Variants in ACTR3B observed in about 807,000 individuals in gnomAD.
ACTR3B encodes the protein actin-related protein 3B.
A neutral mutation model predicts 59.0 loss-of-function variants in ACTR3B; 8 were observed. The ratio of observed to expected loss-of-function variants is 0.14; its 90% CI spans 0.08 to 0.24. The LOEUF is 0.24. Ranked by LOEUF, ACTR3B falls within the 10% of genes least tolerant of loss-of-function variation. ACTR3B has a pLI of 1.00. For missense variants in ACTR3B, 245 were observed against 552.3 expected, an observed-to-expected ratio of 0.44 and a Z score of 5.58; for synonymous variants, 148 against 197.9, an observed-to-expected ratio of 0.75 and a Z score of 2.12.
chr7:152,770,785 AC>A (rs200711510), intron 1 of ACTR3B, among the ~76,000 whole-genome samples: 1 of 134,132 alleles, frequency 7.5e-6, no homozygotes, highest in Non-Finnish European at 1.6e-5. Context: ...AAGCATGGCA[AC>A]GAGTTGTTGT....
At chr7:152,835,556 G>A (rs552698150) in intron 9 of ACTR3B, among the ~76,000 whole-genome samples, 61 of 152,310 alleles carry the variant, frequency 4.0e-4, no homozygotes, top group Middle Eastern at 6.8e-3. Flanking sequence ...CTGATACAGA[G>A]ACACGAAGTG....
intron 4 of ACTR3B, 64 bp from the exon 5 acceptor site, chr7:152,814,486 A>G (rs1795523879): frequency 1.7e-6 from 2 of 1,183,128 alleles, no homozygotes; most frequent in Non-Finnish European, 2.5e-6. Flanking sequence ...TAACCTGTTT[A>G]TGGTTCTGAT....
rs557713925 is a variant in ACTR3B, at chr7:152,828,483, T to G, written c.951+3361T>G. ...CTGCTACGCTCCCTTCTGTAACTCC[T>G]GCTCCTTAGTGCGGTGGAGAGCATG... On this transcript the variant is annotated intron_variant, in intron 9 of 11. Transcript: ENST00000256001. Among the ~76,000 whole-genome samples the G allele has an allele frequency of 5.5e-3, 844 of 152,280 alleles. 23 individuals are homozygous for G. Among genetic ancestry groups the G allele is most frequent in the Non-Finnish European group, 2.3e-3 (158 of 68,008 alleles).
chr7:152,760,189 C>T (rs2098084905), intron 1 of ACTR3B, among the ~76,000 whole-genome samples: 1 of 152,098 alleles, frequency 6.6e-6, no homozygotes, highest in Non-Finnish European at 1.5e-5. Flanking sequence ...GCCCGGCGCT[C>T]CTCGCCTCCC....
At chr7:152,760,053 G>T in intron 1 of ACTR3B, 127 bp downstream of exon 1, 3 of 839,780 alleles carry the variant, frequency 3.6e-6, no homozygotes, top group Non-Finnish European at 3.2e-6. Flanking sequence ...ACCTGGGCAG[G>T]TGGGGCGCCG....
At chr7:152,821,408 C>T (rs1796140754) in intron 7 of ACTR3B, among the ~76,000 whole-genome samples, 1 of 151,756 alleles carries the variant, frequency 6.6e-6, no homozygotes, top group African/African-American at 2.4e-5. Context: ...TGGAGCATTG[C>T]TTGAGGCCAG....
intron 2 of ACTR3B, among the ~76,000 whole-genome samples, chr7:152,794,178 GT>G (rs2098207306): frequency 6.6e-6 from 1 of 152,244 alleles, no homozygotes; most frequent in South Asian, 2.1e-4. Flanking sequence ...TACTTTGTGT[GT>G]GTGTATATGT....
chr7:152,801,840 G>A (rs1166031939), intron 4 of ACTR3B, 109 bp downstream of exon 4: 3 of 555,504 alleles, frequency 5.4e-6, no homozygotes, highest in African/African-American at 3.8e-5. Flanking sequence ...CTAAAGATAT[G>A]TGCATGAATC....
intron 10 of ACTR3B, among the ~76,000 whole-genome samples, chr7:152,852,854 A>T (rs917502171): frequency 6.8e-6 from 1 of 146,818 alleles, no homozygotes; most frequent in South Asian, 2.2e-4. Flanking sequence ...TGCAGTGGTG[A>T]GATCTCGGCT....
intron 9 of ACTR3B, among the ~76,000 whole-genome samples, chr7:152,837,977 G>A (rs2116942272): frequency 6.6e-6 from 1 of 152,260 alleles, no homozygotes. Flanking sequence ...TTTCATCTGG[G>A]CGAGGGGGGA....
At chr7:152,795,491 G>A (rs1431080131) in intron 2 of ACTR3B, among the ~76,000 whole-genome samples, 1 of 152,138 alleles carries the variant, frequency 6.6e-6, no homozygotes, top group Non-Finnish European at 1.5e-5. Context: ...TAGCTTAATA[G>A]CTCTCTGTTT....
chr7:152,851,991 T>G, intron 9 of ACTR3B, 135 bp from the exon 10 acceptor site: 1 of 1,229,848 alleles, frequency 8.1e-7, no homozygotes. Context: ...TAAGTTTGCT[T>G]TTGTTCGCAT....
intron 6 of ACTR3B, among the ~76,000 whole-genome samples, chr7:152,817,356 G>A (rs1358315521): frequency 1.2e-4 from 18 of 151,936 alleles, no homozygotes; most frequent in Non-Finnish European, 2.6e-4. Context: ...ACCCCAGCTG[G>A]GCAACAAGAG....
intron 6 of ACTR3B, among the ~76,000 whole-genome samples, chr7:152,817,376 GT>G (rs1795788078): frequency 6.7e-6 from 1 of 150,176 alleles, no homozygotes; most frequent in South Asian, 2.1e-4. Flanking sequence ...GCGAAACTCC[GT>G]CTCAAAAAAA....
At position 152,759,778 on chromosome 7, in the gene ACTR3B, G is replaced by T; in HGVS notation, c.-105G>T. 1.1e-6 allele frequency: 1 copy of T among 921,860 alleles called. No individual in the cohort carries two copies. The highest frequency in any genetic ancestry group is 1.3e-6 in the Non-Finnish European group (1 of 745,748). The allele number at this position is 921,860 out of a possible 1,614,324, so 57.1% of individuals were successfully genotyped here. On this transcript the variant is annotated 5_prime_UTR_variant, in exon 1 of 12. Transcript: ENST00000256001. ...TCCGGGCTCCCGGCAGCGGCGCTGC[G>T]GCGGCTCGCGGGAGACGCTGCGCGC... is the stretch of plus-strand genomic sequence containing the variant.
intron 9 of ACTR3B, among the ~76,000 whole-genome samples, chr7:152,850,676 G>A (rs1320090198): frequency 6.6e-6 from 1 of 152,250 alleles, no homozygotes; most frequent in Non-Finnish European, 1.5e-5. Flanking sequence ...AGTCCTGGCT[G>A]TCTTTCCCCA....
chr7:152,833,263 C>T (rs920020288), intron 9 of ACTR3B, among the ~76,000 whole-genome samples: 26 of 152,210 alleles, frequency 1.7e-4, no homozygotes, highest in East Asian at 5.8e-4. Context: ...ATCAGGCGGC[C>T]GTTGAGGGCT....
intron 1 of ACTR3B, among the ~76,000 whole-genome samples, chr7:152,766,902 G>A (rs1419437341): frequency 1.3e-5 from 2 of 151,982 alleles, no homozygotes; most frequent in Non-Finnish European, 2.9e-5. Flanking sequence ...TTCTCCTGCT[G>A]CAGCCTCCCG....
At chr7:152,821,735 G>C (rs565844368) in intron 7 of ACTR3B, among the ~76,000 whole-genome samples, 1 of 152,200 alleles carries the variant, frequency 6.6e-6, no homozygotes, top group South Asian at 2.1e-4. Context: ...CATAGCCTCC[G>C]AGTCAGCTGC....
Sources: allele counts gnomAD v4.1 joint callset (sites outside exome capture counted in the v4.1 genomes callset), GRCh38; gene constraint gnomAD v4.1.1; transcripts MANE v1.5; gene names NCBI Gene and HGNC (gene_info 2026-07-23, HGNC 2026-07-21).